ZC3H12B: variants seen among roughly 807,000 people sequenced by gnomAD.
ZC3H12B encodes the protein probable ribonuclease ZC3H12B.
ZC3H12B carries 7 observed loss-of-function variants against 43.9 expected under a neutral mutation model. The observed-to-expected ratio is 0.16, with a 90% CI of 0.09 to 0.30. The LOEUF is 0.30. Ranked by LOEUF, ZC3H12B falls within the 10% of genes least tolerant of loss-of-function variation. ZC3H12B has a pLI of 1.00. For missense variants in ZC3H12B, 475 were observed against 670.2 expected (o/e 0.71, Z 3.22); for synonymous variants, 222 against 241.7 (o/e 0.92, Z 0.76).
intron 2 of ZC3H12B, among the ~76,000 whole-genome samples, chrX:65,390,723 T>C (rs1421646125): frequency 9.5e-6 from 1 of 105,618 alleles, no homozygotes; most frequent in Non-Finnish European, 1.9e-5. Context: ...GGATCAAATA[T>C]ACGTAAGAGA....
chrX:65,381,950 T>G (rs906308719), intron 2 of ZC3H12B, among the ~76,000 whole-genome samples: 9 of 111,659 alleles, frequency 8.1e-5, no homozygotes, highest in Non-Finnish European at 1.7e-4. Flanking sequence ...GCTGAAACTG[T>G]GGCAATAATC....
the ZC3H12B span, among the ~76,000 whole-genome samples, chrX:65,047,911 A>T: frequency 9.0e-6 from 1 of 110,657 alleles, no homozygotes; most frequent in Non-Finnish European, 1.9e-5. Context: ...CTAAGTCTTT[A>T]ATTTTTAAAA....
At chrX:65,142,236 G>A in the ZC3H12B span, among the ~76,000 whole-genome samples, 1 of 112,045 alleles carries the variant, frequency 8.9e-6, no homozygotes, top group African/African-American at 3.2e-5. Flanking sequence ...GTTTTGATTT[G>A]CATTTCCATG....
At chrX:65,221,363 C>T in the ZC3H12B span, among the ~76,000 whole-genome samples, 4 of 110,595 alleles carry the variant, frequency 3.6e-5, no homozygotes, top group Non-Finnish European at 5.7e-5. Flanking sequence ...TAAGTGAAAT[C>T]GAAACAAACA....
intron 2 of ZC3H12B, among the ~76,000 whole-genome samples, chrX:65,373,971 G>GTATATATA (rs1556058082): frequency 2.4e-5 from 1 of 41,348 alleles, no homozygotes; most frequent in Non-Finnish European, 3.3e-5. Context: ...TGTATATATA[G>GTATATATA]TATATATATA....
the ZC3H12B span, among the ~76,000 whole-genome samples, chrX:65,153,234 G>C: frequency 8.9e-6 from 1 of 111,766 alleles, no homozygotes; most frequent in Non-Finnish European, 1.9e-5. Context: ...TTGACAAATG[G>C]GATCTAATTA....
chrX:65,331,468 G>A, the ZC3H12B span, among the ~76,000 whole-genome samples: 145 of 111,200 alleles, frequency 1.3e-3, 1 homozygote, highest in African/African-American at 4.4e-3. Flanking sequence ...TAGAATGCTG[G>A]TTACCAGAGG....
the ZC3H12B span, among the ~76,000 whole-genome samples, chrX:65,047,090 T>C: frequency 9.0e-6 from 1 of 111,456 alleles, no homozygotes; most frequent in African/African-American, 3.3e-5. Context: ...TGAAATATTA[T>C]GAGAGTTAAC....
intron 3 of ZC3H12B, among the ~76,000 whole-genome samples, chrX:65,441,013 A>T (rs2067294264): frequency 8.9e-6 from 1 of 112,398 alleles, no homozygotes; most frequent in Non-Finnish European, 1.9e-5. Flanking sequence ...AACCTTTGGC[A>T]GGAACTTTGT....
At chrX:65,068,529 G>T in the ZC3H12B span, among the ~76,000 whole-genome samples, 3 of 111,699 alleles carry the variant, frequency 2.7e-5, no homozygotes, top group Non-Finnish European at 5.6e-5. Flanking sequence ...TTGTCCCTCT[G>T]CTTTTTAACT....
the ZC3H12B span, among the ~76,000 whole-genome samples, chrX:65,147,246 A>G: frequency 5.5e-4 from 62 of 112,136 alleles, 1 homozygote; most frequent in Middle Eastern, 0.014. Flanking sequence ...GATTCTGGGC[A>G]GGCTGTCTGG....
At chrX:65,087,569 A>G in the ZC3H12B span, among the ~76,000 whole-genome samples, 26,528 of 111,001 alleles carry the variant, frequency 0.24, 7,694 homozygotes, top group African/African-American at 0.83. Flanking sequence ...GACTAGATGC[A>G]CAATCAGAGA....
At chrX:65,455,867 C>A (rs2067601030) in intron 3 of ZC3H12B, among the ~76,000 whole-genome samples, 1 of 111,605 alleles carries the variant, frequency 9.0e-6, no homozygotes, top group Non-Finnish European at 1.9e-5. Context: ...ATTTCATATC[C>A]AGCCAAACTA....
the ZC3H12B span, among the ~76,000 whole-genome samples, chrX:65,094,082 T>C: frequency 9.1e-6 from 1 of 109,937 alleles, no homozygotes; most frequent in Non-Finnish European, 1.9e-5. Flanking sequence ...TGGTTGTTTG[T>C]TTAAAAATAT....
chrX:65,089,205 TG>T, the ZC3H12B span, among the ~76,000 whole-genome samples: 1 of 111,385 alleles, frequency 9.0e-6, no homozygotes, highest in African/African-American at 3.3e-5. Flanking sequence ...ATTTTGTCAT[TG>T]TTGTGAGCAT....
chrX:65,225,339 C>A, the ZC3H12B span, among the ~76,000 whole-genome samples: 1 of 112,385 alleles, frequency 8.9e-6, no homozygotes, highest in East Asian at 2.8e-4. Context: ...GGAAAACTAA[C>A]AAACAGAAAA....
the ZC3H12B span, among the ~76,000 whole-genome samples, chrX:65,323,511 A>C: frequency 8.9e-6 from 1 of 112,272 alleles, no homozygotes; most frequent in African/African-American, 3.2e-5. Context: ...TGTTCCTGCA[A>C]AGGACATTAA....
At chrX:65,078,805 A>G in the ZC3H12B span, among the ~76,000 whole-genome samples, 2 of 111,940 alleles carry the variant, frequency 1.8e-5, no homozygotes, top group African/African-American at 6.5e-5. Context: ...TAGGCATGTA[A>G]CACATATAGT....
the ZC3H12B span, among the ~76,000 whole-genome samples, chrX:65,133,069 C>G: frequency 9.0e-6 from 1 of 111,148 alleles, no homozygotes; most frequent in African/African-American, 3.3e-5. Flanking sequence ...CATTCCTTGT[C>G]CCAGTGCCAG....
Sources: gnomAD v4.1 joint callset for allele counts (sites outside exome capture counted in the v4.1 genomes callset) on GRCh38, gnomAD v4.1.1 for gene constraint, MANE v1.5 for transcripts, NCBI Gene and HGNC (gene_info 2026-07-23, HGNC 2026-07-21) for gene names.